KCNIP4: variants seen among roughly 807,000 people sequenced by gnomAD.
KCNIP4 encodes the protein Kv channel-interacting protein 4.
KCNIP4 carries 12 observed loss-of-function variants against 34.0 expected under a neutral mutation model. That is an observed-to-expected ratio of 0.35 (90% CI 0.23 to 0.57). The LOEUF is 0.57. Ranked by LOEUF, KCNIP4 falls within the 20% of genes least tolerant of loss-of-function variation. The pLI, the probability that KCNIP4 is intolerant of heterozygous loss-of-function variation, is 0.83. For missense variants in KCNIP4, 238 were observed against 311.7 expected, an observed-to-expected ratio of 0.76 and a Z score of 1.78; for synonymous variants, 124 against 102.2, an observed-to-expected ratio of 1.21 and a Z score of -1.29.
At chr4:20,976,500 A>G (rs529791368) in intron 1 of KCNIP4, among the ~76,000 whole-genome samples, 1 of 152,330 alleles carries the variant, frequency 6.6e-6, no homozygotes, top group South Asian at 2.1e-4. Flanking sequence ...ACCCCATTAT[A>G]TGGAAAAGGA....
intron 1 of KCNIP4, among the ~76,000 whole-genome samples, chr4:21,008,484 G>A (rs534439262): frequency 6.6e-6 from 1 of 152,160 alleles, no homozygotes; most frequent in East Asian, 1.9e-4. Context: ...TAGAATAAAT[G>A]TGACTTCATC....
At position 21,051,029 on chromosome 4, in the gene KCNIP4, G is replaced by C. The variant is rs555876042; in HGVS notation, c.62-168320C>G. ...TCCTAAGCTTCCATAACATGCATCA[G>C]GGATTTGGTATTTCTCCCTCTGAAT... is the stretch of plus-strand genomic sequence containing the variant. On this transcript the variant is annotated intron_variant, in intron 1 of 8. Transcript: ENST00000382152. 3.3e-5 allele frequency among the ~76,000 whole-genome samples: 5 copies of C among 152,272 alleles called. No individual in the cohort carries two copies. The South Asian group carries it at 8.3e-4, about 25-fold the overall frequency.
rs539062767 is a variant in KCNIP4 at position 21,944,865 on chromosome 4, T to C, written c.61+3706A>G. On this transcript the variant is annotated intron_variant, in intron 1 of 8. Transcript: ENST00000382152. ...ATGAATACTTTTGGAATGAAATGGG[T>C]GCTTCAATGCCCAAGGGTAAATTAA... is the stretch of plus-strand genomic sequence containing the variant. Among the ~76,000 whole-genome samples the C allele has an allele frequency of 5.9e-5, 9 of 152,090 alleles. No homozygotes were observed. In the South Asian group the frequency reaches 1.9e-3, roughly 31 times the overall value.
intron 3 of KCNIP4, among the ~76,000 whole-genome samples, chr4:20,767,551 G>A (rs182972994): frequency 6.6e-6 from 1 of 152,248 alleles, no homozygotes; most frequent in Admixed American, 6.5e-5. Flanking sequence ...CACCTTATAA[G>A]GAAACCTTTC....
At chr4:20,811,645 C>G (rs78016335) in intron 3 of KCNIP4, among the ~76,000 whole-genome samples, 1 of 152,102 alleles carries the variant, frequency 6.6e-6, no homozygotes, top group Non-Finnish European at 1.5e-5. Flanking sequence ...AAAGAACAAA[C>G]GTGATCATAT....
chr4:20,991,722 C>A lies in KCNIP4; in HGVS notation c.62-109013G>T, dbSNP rs537547391. On this transcript the variant is annotated intron_variant, in intron 1 of 8. Coordinates refer to ENST00000382152, the MANE Select transcript of KCNIP4 (RefSeq NM_025221.6). ...ATCAGCTTCATTTTCTCAGCCACAG[C>A]TTCAGATGACCTTGGAAATGGAACA... 2.1e-4 allele frequency among the ~76,000 whole-genome samples: 32 copies of A among 152,314 alleles called. No individual in the cohort carries two copies. The South Asian group carries it at 2.9e-3, about 14-fold the overall frequency.
At chr4:21,764,543 A>T (rs903944057) in intron 1 of KCNIP4, among the ~76,000 whole-genome samples, 9 of 152,238 alleles carry the variant, frequency 5.9e-5, no homozygotes, top group Non-Finnish European at 1.2e-4. Context: ...ATGATTAATT[A>T]TGTCTGGTCA....
intron 1 of KCNIP4, among the ~76,000 whole-genome samples, chr4:21,464,118 A>C (rs1321279732): frequency 6.6e-6 from 1 of 151,936 alleles, no homozygotes; most frequent in East Asian, 1.9e-4. Flanking sequence ...TCTTCAGTCT[A>C]GCTAAAATTT....
At position 20,915,193 on chromosome 4, in the gene KCNIP4, G is replaced by T. The variant is rs1728693186; in HGVS notation, c.62-32484C>A. Among the ~76,000 whole-genome samples, 2 of 152,274 alleles carry T rather than the reference G, an allele frequency of 1.3e-5. 1 individual carries two copies. Among genetic ancestry groups the T allele is most frequent in the Middle Eastern group, 6.8e-3 (2 of 294 alleles). ...ATGAACATTTCTCTTACGTACTCCA[G>T]GAAATAAAATATTATACTCAAATGA... On this transcript the variant is annotated intron_variant, in intron 1 of 8. Coordinates refer to ENST00000382152, the MANE Select transcript of KCNIP4 (RefSeq NM_025221.6).
intron 1 of KCNIP4, among the ~76,000 whole-genome samples, chr4:21,009,610 A>G (rs532139695): frequency 1.9e-4 from 29 of 152,312 alleles, no homozygotes; most frequent in Non-Finnish European, 3.7e-4. Context: ...TTTAATTACT[A>G]TCTCATAGTT....
intron 1 of KCNIP4, among the ~76,000 whole-genome samples, chr4:21,746,227 C>T (rs1019139398): frequency 6.6e-6 from 1 of 152,234 alleles, no homozygotes; most frequent in Admixed American, 6.6e-5. Context: ...AATATAGTAT[C>T]ATGCTGAGGT....
intron 1 of KCNIP4, among the ~76,000 whole-genome samples, chr4:21,810,119 A>G (rs973770070): frequency 6.6e-6 from 1 of 152,214 alleles, no homozygotes; most frequent in African/African-American, 2.4e-5. Context: ...AGGTTGAACA[A>G]GAGGGGACTG....
chr4:20,986,815 T>C (rs533679067), intron 1 of KCNIP4, among the ~76,000 whole-genome samples: 20 of 152,216 alleles, frequency 1.3e-4, no homozygotes, highest in Non-Finnish European at 2.5e-4. Context: ...AATATGATTT[T>C]GTTGGTTTCA....
intron 1 of KCNIP4, among the ~76,000 whole-genome samples, chr4:20,926,969 T>G (rs566294189): frequency 6.6e-6 from 1 of 152,154 alleles, no homozygotes; most frequent in Non-Finnish European, 1.5e-5. Context: ...GTAATTTTCT[T>G]TCTTTCTTTC....
At chr4:21,778,236 C>CTTTTTTTTTTTTTTTTT (rs71655659) in intron 1 of KCNIP4, among the ~76,000 whole-genome samples, 1 of 25,756 alleles carries the variant, frequency 3.9e-5, no homozygotes, top group Non-Finnish European at 7.6e-5. Flanking sequence ...TTTTTTTTTT[C>CTTTTTTTTTTTTTTTTT]TTTTTTTTTT....
rs577378718 is a variant in KCNIP4, at chr4:21,262,679, A to C, written c.62-379970T>G. Among the ~76,000 whole-genome samples, 19 of 152,252 alleles carry C rather than the reference A, an allele frequency of 1.2e-4. No homozygotes were observed. In the East Asian group the frequency reaches 3.5e-3, roughly 28 times the overall value. ...TACCACTTCTCTGGGAGCAATTTCTAATAAATCACATTGACACAAAATCTC... is the reference window on the plus strand; with the variant it reads ...TACCACTTCTCTGGGAGCAATTTCTCATAAATCACATTGACACAAAATCTC... On this transcript the variant is annotated intron_variant, in intron 1 of 8. Coordinates refer to ENST00000382152, the MANE Select transcript of KCNIP4 (RefSeq NM_025221.6).
intron 1 of KCNIP4, among the ~76,000 whole-genome samples, chr4:21,167,842 T>C (rs1753745219): frequency 6.6e-6 from 1 of 152,198 alleles, no homozygotes; most frequent in Admixed American, 6.5e-5. Flanking sequence ...TGAACTGCCA[T>C]TTCTAATCCT....
chr4:20,895,862 C>T (rs960584237), intron 1 of KCNIP4, among the ~76,000 whole-genome samples: 2 of 152,138 alleles, frequency 1.3e-5, no homozygotes, highest in Non-Finnish European at 2.9e-5. Context: ...TAATGGGAGG[C>T]CAAACCTGAG....
At chr4:21,678,102 T>G (rs1368904385) in intron 1 of KCNIP4, among the ~76,000 whole-genome samples, 1 of 152,104 alleles carries the variant, frequency 6.6e-6, no homozygotes, top group East Asian at 1.9e-4. Context: ...GAACTTACTC[T>G]GTGAAGGGTC....
Sources: gnomAD v4.1 joint callset for allele counts (sites outside exome capture counted in the v4.1 genomes callset) on GRCh38, gnomAD v4.1.1 for gene constraint, MANE v1.5 for transcripts, NCBI Gene and HGNC (gene_info 2026-07-23, HGNC 2026-07-21) for gene names.